SHC4: variants seen among roughly 807,000 people sequenced by gnomAD.
SHC4 encodes the protein SHC adaptor protein 4, also known as SHC-transforming protein 4.
A neutral mutation model predicts 69.4 loss-of-function variants in SHC4; 41 were observed. The ratio of observed to expected loss-of-function variants is 0.59; its 90% CI spans 0.46 to 0.77. The LOEUF (loss-of-function observed/expected upper bound fraction) is 0.77, where lower values mean the gene tolerates loss of function less well. Ranked by LOEUF, SHC4 falls within the 30% of genes least tolerant of loss-of-function variation. The pLI is 0.00. For missense variants in SHC4, 777 were observed against 783.8 expected (o/e 0.99, Z 0.10); for synonymous variants, 318 against 299.3 (o/e 1.06, Z -0.64).
chr15:48,960,567 A>T, intron 1 of SHC4, among the ~76,000 whole-genome samples: 1 of 152,178 alleles, frequency 6.6e-6, no homozygotes, highest in East Asian at 1.9e-4. Context: ...GGACTGCCCA[A>T]GCCTGCTCTC....
chr15:48,956,444 T>C (rs1901455282), intron 1 of SHC4, among the ~76,000 whole-genome samples: 1 of 152,100 alleles, frequency 6.6e-6, no homozygotes, highest in African/African-American at 2.4e-5. Flanking sequence ...CCAGAGAAAA[T>C]AGAGATGGCT....
chr15:48,924,835 T>C, intron 2 of SHC4, 44 bp downstream of exon 2: 1 of 1,594,272 alleles, frequency 6.3e-7, no homozygotes, highest in South Asian at 1.1e-5. Context: ...TATTGTGACT[T>C]TAAACCATAC....
Position 48,907,416 on chromosome 15 carries a change from T to G in SHC4, c.657-16605A>C, listed in dbSNP as rs192974317. 3.7e-3 allele frequency among the ~76,000 whole-genome samples: 553 copies of G among 150,558 alleles called. 5 individuals are homozygous for G. Among genetic ancestry groups the G allele is most frequent in the African/African-American group, 0.013 (534 of 40,932 alleles). ...TTTTGTATTTTTTTTGAAGTCTGTG[T>G]TTTTTTTTCCATAAGTTATTGGGGT... On this transcript the variant is annotated intron_variant, in intron 2 of 11. Transcript: ENST00000332408.
At position 48,884,280 on chromosome 15, in the gene SHC4, T is replaced by G. The variant is rs1899995054; in HGVS notation, c.808A>C (p.Ser270Arg). 1 of 1,610,718 alleles carries G rather than the reference T, an allele frequency of 6.2e-7. No homozygotes were observed. The highest frequency in any genetic ancestry group is 1.3e-5 in the African/African-American group (1 of 74,762). ...MNIKLTISTCSLTLMNLDNQQ... is the reference protein window; with the variant it reads ...MNIKLTISTCRLTLMNLDNQQ... ...TTGTCAAGATTCATCAATGTGAGACTGCATGTTGAGATGGTCAGTTTTATA... is the reference window on the plus strand; with the variant it reads ...TTGTCAAGATTCATCAATGTGAGACGGCATGTTGAGATGGTCAGTTTTATA... The change falls in exon 4 of 12, where the codon AGT becomes CGT. Residue 270 changes from serine (S) to arginine (R), a missense_variant. Ser to Arg is a moderately radical substitution (Grantham distance 110). Coordinates refer to ENST00000332408, the MANE Select transcript of SHC4 (RefSeq NM_203349.4).
Position 48,842,251 on chromosome 15 carries a change from C to A in SHC4, c.1483+1158G>T, listed in dbSNP as rs139241926. 1.6e-4 allele frequency among the ~76,000 whole-genome samples: 25 copies of A among 152,174 alleles called. 1 individual carries two copies. In the East Asian group the frequency reaches 4.8e-3, roughly 29 times the overall value. ...ACAGTACATGGGTGAAGAAAGGAGC[C>A]AACTTATTTTAGTGCTTTATAGATG... On this transcript the variant is annotated intron_variant, in intron 10 of 11. Coordinates refer to ENST00000332408, the MANE Select transcript of SHC4 (RefSeq NM_203349.4).
chr15:48,861,674 C>G (rs1427203007), intron 6 of SHC4, among the ~76,000 whole-genome samples: 7 of 152,146 alleles, frequency 4.6e-5, no homozygotes, highest in Non-Finnish European at 1.0e-4. Context: ...GTTACCAAGG[C>G]CTGAGCTTTG....
At chr15:48,843,923 C>A (rs1019254160) in intron 9 of SHC4, among the ~76,000 whole-genome samples, 2 of 152,192 alleles carry the variant, frequency 1.3e-5, no homozygotes, top group Non-Finnish European at 2.9e-5. Context: ...CAGCACAAAC[C>A]TGCACTCAAC....
chr15:48,852,258 TAATGTGGTGG>T (rs1899227819), intron 8 of SHC4, among the ~76,000 whole-genome samples: 1 of 152,130 alleles, frequency 6.6e-6, no homozygotes, highest in Non-Finnish European at 1.5e-5. Context: ...AGGAGAGTGC[TAATGTGGTGG>T]TAGGGCAGGG....
At chr15:48,901,953 G>C (rs1023639099) in intron 2 of SHC4, among the ~76,000 whole-genome samples, 1 of 152,156 alleles carries the variant, frequency 6.6e-6, no homozygotes, top group Non-Finnish European at 1.5e-5. Context: ...TGTAATCCCA[G>C]CACTTTGGGA....
At position 48,878,189 on chromosome 15, in the gene SHC4, G is replaced by A. The variant is rs1344171145; in HGVS notation, c.841-6047C>T. 5 of 1,559,234 alleles carry A rather than the reference G, an allele frequency of 3.2e-6. No homozygotes were observed. In the African/African-American group the frequency reaches 6.8e-5, roughly 21 times the overall value. ...AGCGGTTTGCACAATGTCGGAAATGGCTGAGTTGTCCGAGCTGTATGAAGA... is the reference window on the plus strand; with the variant it reads ...AGCGGTTTGCACAATGTCGGAAATGACTGAGTTGTCCGAGCTGTATGAAGA... On this transcript the variant is annotated intron_variant, in intron 4 of 11. Coordinates refer to ENST00000332408, the MANE Select transcript of SHC4 (RefSeq NM_203349.4).
At chr15:48,889,760 C>T (rs1053492004) in intron 3 of SHC4, among the ~76,000 whole-genome samples, 2 of 152,112 alleles carry the variant, frequency 1.3e-5, no homozygotes, top group African/African-American at 4.8e-5. Context: ...AGGAGAATGG[C>T]TTGAATCCGG....
chr15:48,878,938 G>C (rs1449091518), intron 4 of SHC4: 3 of 501,422 alleles, frequency 6.0e-6, no homozygotes, highest in Admixed American at 3.6e-5. Flanking sequence ...AAAGAAAAAA[G>C]ATTTTAAGAC....
chr15:48,905,210 G>C (rs1056328587), intron 2 of SHC4, among the ~76,000 whole-genome samples: 1 of 152,148 alleles, frequency 6.6e-6, no homozygotes, highest in Admixed American at 6.5e-5. Context: ...TCCGTTATTC[G>C]ATAAATTATT....
At chr15:48,925,664 A>T (rs754330690) in intron 1 of SHC4, among the ~76,000 whole-genome samples, 2 of 152,224 alleles carry the variant, frequency 1.3e-5, no homozygotes, top group Non-Finnish European at 2.9e-5. Context: ...GTGACTTATA[A>T]AGCTGAAAGA....
chr15:48,827,226 G>GT (rs762021575), intron 11 of SHC4, among the ~76,000 whole-genome samples: 14 of 152,124 alleles, frequency 9.2e-5, no homozygotes, highest in Admixed American at 2.0e-4. Context: ...GGTTTTTGCC[G>GT]TATTAAAATC....
At chr15:48,925,471 C>G (rs1358825210) in intron 1 of SHC4, among the ~76,000 whole-genome samples, 4 of 152,134 alleles carry the variant, frequency 2.6e-5, no homozygotes, top group Non-Finnish European at 5.9e-5. Flanking sequence ...ACAGGAATGT[C>G]AAATCTTCTA....
At chr15:48,920,781 A>G (rs1030383341) in intron 2 of SHC4, among the ~76,000 whole-genome samples, 1 of 152,138 alleles carries the variant, frequency 6.6e-6, no homozygotes, top group Admixed American at 6.5e-5. Context: ...AGCATTACTT[A>G]TAATGATGAA....
intron 5 of SHC4, among the ~76,000 whole-genome samples, chr15:48,870,413 T>C (rs1899646973): frequency 6.6e-6 from 1 of 152,212 alleles, no homozygotes; most frequent in Non-Finnish European, 1.5e-5. Flanking sequence ...TGGAATTTCT[T>C]GGGGAAAAGG....
chr15:48,879,607 C>A (rs1899900427), intron 4 of SHC4: 1 of 166,990 alleles, frequency 6.0e-6, no homozygotes, highest in Admixed American at 6.5e-5. Flanking sequence ...ATTGTAAGAA[C>A]TGTTAATAAA....
Sources: allele counts gnomAD v4.1 joint callset (sites outside exome capture counted in the v4.1 genomes callset), GRCh38; gene constraint gnomAD v4.1.1; transcripts MANE v1.5; gene names NCBI Gene and HGNC (gene_info 2026-07-23, HGNC 2026-07-21).